Variants in FHIT observed in about 807,000 individuals in gnomAD.
FHIT encodes the protein bis(5'-adenosyl)-triphosphatase.
Under a neutral mutation model 17.9 loss-of-function variants are expected in FHIT, and 19 were observed. The ratio of observed to expected loss-of-function variants is 1.06; its 90% CI spans 0.74 to 1.56. FHIT has a LOEUF of 1.56. Ranked by LOEUF, FHIT falls within the 40% of genes most tolerant of loss-of-function variation. The pLI, the probability that FHIT is intolerant of heterozygous loss-of-function variation, is 0.00. For synonymous variants in FHIT, 81 were observed against 69.7 expected (o/e 1.16, Z -0.81); for missense variants, 248 against 189.2 (o/e 1.31, Z -1.82).
intron 7 of FHIT, among the ~76,000 whole-genome samples, chr3:59,960,892 CAT>C (rs995324525): frequency 6.6e-6 from 1 of 152,198 alleles, no homozygotes; most frequent in African/African-American, 2.4e-5. Flanking sequence ...AGAAGATCCA[CAT>C]GAGACTCCAA....
At chr3:60,540,185 G>T (rs943969153) in intron 4 of FHIT, among the ~76,000 whole-genome samples, 15 of 152,064 alleles carry the variant, frequency 9.9e-5, no homozygotes, top group African/African-American at 2.9e-4. Context: ...ACACGCAGAA[G>T]TTCCTGAAGG....
At chr3:59,864,930 C>T (rs1702576151) in intron 8 of FHIT, among the ~76,000 whole-genome samples, 1 of 152,002 alleles carries the variant, frequency 6.6e-6, no homozygotes, top group African/African-American at 2.4e-5. Context: ...ACCATCAAGG[C>T]TGCCTCTCCT....
At chr3:60,493,050 A>G (rs2034134513) in intron 5 of FHIT, among the ~76,000 whole-genome samples, 1 of 152,184 alleles carries the variant, frequency 6.6e-6, no homozygotes, top group Non-Finnish European at 1.5e-5. Context: ...GATAAGTGCC[A>G]AGGAGAAATA....
At chr3:60,414,989 G>C (rs530763661) in intron 5 of FHIT, among the ~76,000 whole-genome samples, 1 of 152,102 alleles carries the variant, frequency 6.6e-6, no homozygotes, top group African/African-American at 2.4e-5. Context: ...GCTTGTTAAT[G>C]GTGTAGATTA....
intron 2 of FHIT, among the ~76,000 whole-genome samples, chr3:61,128,867 T>C (rs1035307394): frequency 1.3e-5 from 2 of 152,108 alleles, no homozygotes; most frequent in Non-Finnish European, 2.9e-5. Context: ...AACTCGAAAG[T>C]TGTTCAAAAG....
At chr3:60,576,949 T>TACACACACATACACACACAC (rs1553657819) in intron 4 of FHIT, among the ~76,000 whole-genome samples, 7 of 146,746 alleles carry the variant, frequency 4.8e-5, no homozygotes, top group African/African-American at 1.8e-4. Flanking sequence ...TCCATTTGCA[T>TACACACACATACACACACAC]ACACACACAC....
At chr3:59,906,253 T>C (rs1704580940) in intron 8 of FHIT, among the ~76,000 whole-genome samples, 1 of 152,232 alleles carries the variant, frequency 6.6e-6, no homozygotes, top group African/African-American at 2.4e-5. Context: ...TGTGTGTGTT[T>C]ATAAAACTTC....
chr3:60,163,816 G>C (rs1048795462), intron 5 of FHIT, among the ~76,000 whole-genome samples: 2 of 152,158 alleles, frequency 1.3e-5, no homozygotes, highest in Non-Finnish European at 2.9e-5. Context: ...GACGTTGCCA[G>C]AAGTCCCTAG....
At chr3:60,007,794 C>T (rs1169729768) in intron 7 of FHIT, among the ~76,000 whole-genome samples, 1 of 152,066 alleles carries the variant, frequency 6.6e-6, no homozygotes, top group Non-Finnish European at 1.5e-5. Context: ...CCTGTGTGTT[C>T]AGATTCTTCT....
intron 2 of FHIT, among the ~76,000 whole-genome samples, chr3:61,187,811 C>T (rs1180224607): frequency 1.3e-5 from 2 of 152,208 alleles, no homozygotes; most frequent in African/African-American, 4.8e-5. Context: ...GGAAACTGAA[C>T]AACCTGCTCC....
intron 3 of FHIT, among the ~76,000 whole-genome samples, chr3:61,020,103 G>C (rs1575849436): frequency 1.3e-5 from 2 of 152,218 alleles, no homozygotes; most frequent in Middle Eastern, 6.8e-3. Context: ...GATCTTTGAG[G>C]AATTGCCACA....
intron 4 of FHIT, among the ~76,000 whole-genome samples, chr3:60,777,662 G>A (rs1339907247): frequency 6.6e-6 from 1 of 152,232 alleles, no homozygotes; most frequent in Non-Finnish European, 1.5e-5. Context: ...AAGAGACGTT[G>A]CAGGGCAACT....
intron 2 of FHIT, among the ~76,000 whole-genome samples, chr3:61,075,948 T>G (rs2034957916): frequency 5.3e-5 from 8 of 152,194 alleles, no homozygotes; most frequent in Admixed American, 5.2e-4. Flanking sequence ...CTTTACTGAG[T>G]GCTTCCAATG....
intron 5 of FHIT, among the ~76,000 whole-genome samples, chr3:60,279,109 T>C (rs1353148904): frequency 6.6e-6 from 1 of 151,996 alleles, no homozygotes; most frequent in Non-Finnish European, 1.5e-5. Flanking sequence ...CTAATTATTT[T>C]CAAAAGATCA....
At chr3:60,868,352 T>C (rs1222773404) in intron 3 of FHIT, among the ~76,000 whole-genome samples, 2 of 152,158 alleles carry the variant, frequency 1.3e-5, no homozygotes, top group Non-Finnish European at 2.9e-5. Flanking sequence ...AGCTATCCCA[T>C]TTTACAAGGC....
intron 3 of FHIT, among the ~76,000 whole-genome samples, chr3:60,951,011 A>C (rs1272711882): frequency 6.6e-6 from 1 of 152,208 alleles, no homozygotes; most frequent in Non-Finnish European, 1.5e-5. Context: ...CATCAGCTCT[A>C]GATTATCCTC....
intron 5 of FHIT, among the ~76,000 whole-genome samples, chr3:60,530,032 T>G (rs1224922570): frequency 6.6e-6 from 1 of 152,136 alleles, no homozygotes. Flanking sequence ...AAATGACAGT[T>G]GAATTTTTCT....
intron 5 of FHIT, among the ~76,000 whole-genome samples, chr3:60,115,668 C>T (rs1332987737): frequency 2.0e-5 from 3 of 152,002 alleles, no homozygotes; most frequent in Non-Finnish European, 4.4e-5. Context: ...CATAACAAAA[C>T]TGTAAAAAAC....
intron 1 of FHIT, among the ~76,000 whole-genome samples, chr3:61,245,186 A>G (rs1248355927): frequency 1.3e-5 from 2 of 152,212 alleles, no homozygotes; most frequent in Non-Finnish European, 2.9e-5. Context: ...TAAGAATAAA[A>G]TCATTAGCTA....
Sources: allele counts gnomAD v4.1 joint callset (sites outside exome capture counted in the v4.1 genomes callset), GRCh38; gene constraint gnomAD v4.1.1; transcripts MANE v1.5; gene names NCBI Gene and HGNC (gene_info 2026-07-23, HGNC 2026-07-21).